Variants in JARID2 observed in about 807,000 individuals in gnomAD.
The protein encoded by JARID2 is protein Jumonji.
A neutral mutation model predicts 125.6 loss-of-function variants in JARID2; 21 were observed. The observed-to-expected ratio is 0.17, with a 90% CI of 0.12 to 0.24. JARID2 has a LOEUF of 0.24. Ranked by LOEUF, JARID2 falls within the 10% of genes least tolerant of loss-of-function variation. JARID2 has a pLI of 1.00. For missense variants in JARID2, 1,303 were observed against 1,639.6 expected, an observed-to-expected ratio of 0.79 and a Z score of 3.55; for synonymous variants, 736 against 661.6, an observed-to-expected ratio of 1.11 and a Z score of -1.73.
chr6:15,259,787 T>G (rs1196343600), intron 1 of JARID2, among the ~76,000 whole-genome samples: 2 of 152,204 alleles, frequency 1.3e-5, no homozygotes, highest in Non-Finnish European at 2.9e-5. Flanking sequence ...TTTTATATAT[T>G]TATGTATTTA....
intron 1 of JARID2, among the ~76,000 whole-genome samples, chr6:15,263,591 ATTTTTT>A (rs763727930): frequency 7.6e-6 from 1 of 131,634 alleles, no homozygotes; most frequent in Non-Finnish European, 1.6e-5. Context: ...GAGTCAGACA[ATTTTTT>A]TTTTTTTTTT....
intron 3 of JARID2, among the ~76,000 whole-genome samples, chr6:15,436,863 T>C (rs1224866072): frequency 6.6e-6 from 1 of 152,028 alleles, no homozygotes; most frequent in African/African-American, 2.4e-5. Context: ...TATTCAGTTA[T>C]AATGAGTTCA....
intron 1 of JARID2, among the ~76,000 whole-genome samples, chr6:15,265,756 C>G (rs1215808902): frequency 2.0e-5 from 3 of 152,142 alleles, no homozygotes; most frequent in African/African-American, 7.2e-5. Flanking sequence ...GCAGCATGTT[C>G]ACTTGCTTTT....
intron 1 of JARID2, among the ~76,000 whole-genome samples, chr6:15,279,125 T>C (rs1171887905): frequency 7.4e-6 from 1 of 134,466 alleles, no homozygotes; most frequent in Non-Finnish European, 1.5e-5. Context: ...CCAGCTATTG[T>C]ATAACAAAAT....
At chr6:15,273,365 A>G (rs1283415172) in intron 1 of JARID2, among the ~76,000 whole-genome samples, 1 of 152,212 alleles carries the variant, frequency 6.6e-6, no homozygotes, top group Non-Finnish European at 1.5e-5. Context: ...ACAAACTATA[A>G]AACCAAGGGA....
Position 15,496,851 on chromosome 6 carries a change from C to A in JARID2, c.1626C>A (p.Ala542=). Residue 542 remains alanine (A), a synonymous_variant, in exon 7 of 18, where the codon GCC becomes GCA. Coordinates refer to ENST00000341776, the MANE Select transcript of JARID2 (RefSeq NM_004973.4). ...SVHKPQDSGK[A]EKGGGKAGWA... is the part of the protein sequence containing the mutation. ...ACAAGCCGCAGGACTCGGGCAAGGC[C>A]GAGAAGGGCGGCGGCAAGGCCGGGT... 2 of 1,601,388 alleles carry A rather than the reference C, an allele frequency of 1.2e-6. No homozygotes were observed. The highest frequency in any genetic ancestry group is 8.5e-7 in the Non-Finnish European group (1 of 1,171,694).
At chr6:15,348,618 T>C (rs1275448140) in intron 1 of JARID2, among the ~76,000 whole-genome samples, 4 of 152,252 alleles carry the variant, frequency 2.6e-5, no homozygotes, top group African/African-American at 9.6e-5. Flanking sequence ...TCTTCAGTTA[T>C]ACTTGAAAAG....
chr6:15,264,583 C>T (rs906894543), intron 1 of JARID2, among the ~76,000 whole-genome samples: 2 of 151,126 alleles, frequency 1.3e-5, no homozygotes, highest in African/African-American at 2.4e-5. Flanking sequence ...CTAGTTTAGA[C>T]ACCCACCTCA....
chr6:15,294,231 C>T (rs925708781), intron 1 of JARID2, among the ~76,000 whole-genome samples: 1 of 152,134 alleles, frequency 6.6e-6, no homozygotes, highest in African/African-American at 2.4e-5. Context: ...GCTCTGTTGC[C>T]AGGCTGGCTG....
At chr6:15,272,715 C>T (rs1561760455) in intron 1 of JARID2, among the ~76,000 whole-genome samples, 1 of 152,196 alleles carries the variant, frequency 6.6e-6, no homozygotes, top group Non-Finnish European at 1.5e-5. Context: ...CAGGTTTATG[C>T]AGCCATAGTC....
chr6:15,440,713 G>A (rs1393255861), intron 3 of JARID2, among the ~76,000 whole-genome samples: 1 of 152,224 alleles, frequency 6.6e-6, no homozygotes, highest in Non-Finnish European at 1.5e-5. Context: ...CACTGTGTCT[G>A]TAATAGCTCC....
chr6:15,370,408 G>A (rs575574337), intron 1 of JARID2, among the ~76,000 whole-genome samples: 8 of 143,828 alleles, frequency 5.6e-5, no homozygotes, highest in Non-Finnish European at 1.0e-4. Context: ...CTCTGCACAC[G>A]ATCACTGCAA....
chr6:15,364,422 A>G (rs868231740), intron 1 of JARID2, among the ~76,000 whole-genome samples: 7 of 152,192 alleles, frequency 4.6e-5, no homozygotes, highest in African/African-American at 1.7e-4. Context: ...AAGGATTTGA[A>G]GGTGTAGGAA....
In JARID2 at chr6:15,420,872, C is replaced by G. The variant is rs559457264; in HGVS notation, c.323+10507C>G. Among the ~76,000 whole-genome samples, 9 of 152,304 alleles carry G rather than the reference C, an allele frequency of 5.9e-5. No individual in the cohort carries two copies. In the South Asian group the frequency reaches 1.4e-3, roughly 25 times the overall value. ...CTATGGATTATGTTTACCATGTAGG[C>G]TAGTAAGAATGGGCACTATTCCTGG... On this transcript the variant is annotated intron_variant, in intron 3 of 17. Coordinates refer to ENST00000341776, the MANE Select transcript of JARID2 (RefSeq NM_004973.4).
intron 3 of JARID2, among the ~76,000 whole-genome samples, chr6:15,413,730 C>T (rs1766004863): frequency 6.6e-6 from 1 of 152,158 alleles, no homozygotes; most frequent in Non-Finnish European, 1.5e-5. Context: ...CCTCAGACTC[C>T]TGAGTAGCTG....
intron 1 of JARID2, among the ~76,000 whole-genome samples, chr6:15,338,775 C>T (rs968653067): frequency 6.6e-6 from 1 of 152,204 alleles, no homozygotes; most frequent in African/African-American, 2.4e-5. Flanking sequence ...TCTTTCCCTT[C>T]CAGCAGATGC....
At chr6:15,247,599 T>C (rs1373559805) in intron 1 of JARID2, 9 of 985,082 alleles carry the variant, frequency 9.1e-6, no homozygotes, top group Non-Finnish European at 1.1e-5. Flanking sequence ...GAGGAAAGTT[T>C]ATTTAAGTTG....
At chr6:15,318,422 A>G (rs934953158) in intron 1 of JARID2, among the ~76,000 whole-genome samples, 2 of 152,214 alleles carry the variant, frequency 1.3e-5, no homozygotes, top group South Asian at 2.1e-4. Context: ...TTGTTTTCGT[A>G]TACCTAGAAT....
intron 3 of JARID2, among the ~76,000 whole-genome samples, chr6:15,427,281 AG>A (rs1436278751): frequency 6.6e-6 from 1 of 152,218 alleles, no homozygotes; most frequent in Non-Finnish European, 1.5e-5. Context: ...CATCCTCTGC[AG>A]GTTTAGATGT....
Sources: allele counts gnomAD v4.1 joint callset (sites outside exome capture counted in the v4.1 genomes callset), GRCh38; gene constraint gnomAD v4.1.1; transcripts MANE v1.5; gene names NCBI Gene and HGNC (gene_info 2026-07-23, HGNC 2026-07-21).